The following CTNNA3 variants were observed in gnomAD, a reference collection of about 807,000 sequenced individuals.
The protein encoded by CTNNA3 is catenin alpha-3.
In CTNNA3, 76 loss-of-function variants were observed where a neutral mutation model predicts 95.7. That is an observed-to-expected ratio of 0.79 (90% CI 0.66 to 0.96). The LOEUF (loss-of-function observed/expected upper bound fraction) is 0.96, where lower values mean the gene tolerates loss of function less well. Ranked by LOEUF, CTNNA3 falls within the 40% of genes least tolerant of loss-of-function variation. CTNNA3 has a pLI of 0.00. For missense variants in CTNNA3, 1,191 were observed against 1,089.8 expected (o/e 1.09, Z -1.31); for synonymous variants, 431 against 374.4 (o/e 1.15, Z -1.74).
intron 7 of CTNNA3, among the ~76,000 whole-genome samples, chr10:67,076,080 A>G (rs1239192321): frequency 6.6e-6 from 1 of 152,202 alleles, no homozygotes; most frequent in Non-Finnish European, 1.5e-5. Flanking sequence ...TTTAGCAGCA[A>G]TTTAACTGCC....
At chr10:66,637,467 C>A (rs768272298) in intron 9 of CTNNA3, among the ~76,000 whole-genome samples, 4 of 152,240 alleles carry the variant, frequency 2.6e-5, no homozygotes, top group Admixed American at 6.5e-5. Flanking sequence ...AGTTGGAGGG[C>A]ATTTGCCATC....
chr10:66,477,511 ATATT>A, intron 11 of CTNNA3, among the ~76,000 whole-genome samples: 1 of 152,172 alleles, frequency 6.6e-6, no homozygotes, highest in Middle Eastern at 3.4e-3. Context: ...GCTTCCAGGA[ATATT>A]TCTACGACCC....
chr10:67,524,155 G>A (rs1446383541), intron 4 of CTNNA3, among the ~76,000 whole-genome samples: 1 of 152,112 alleles, frequency 6.6e-6, no homozygotes, highest in Non-Finnish European at 1.5e-5. Flanking sequence ...TGTAATCCCA[G>A]CACTTTGGGA....
intron 9 of CTNNA3, among the ~76,000 whole-genome samples, chr10:66,742,413 G>A (rs1014035283): frequency 7.9e-5 from 12 of 151,928 alleles, no homozygotes; most frequent in South Asian, 6.2e-4. Flanking sequence ...TTTTAATTTC[G>A]CCCAGGTCCT....
At chr10:66,542,796 G>A (rs577753304) in intron 10 of CTNNA3, among the ~76,000 whole-genome samples, 1 of 151,480 alleles carries the variant, frequency 6.6e-6, no homozygotes, top group African/African-American at 2.4e-5. Context: ...TAAATGATGA[G>A]TTAATGGGTG....
At chr10:67,048,313 T>C (rs1040586792) in intron 7 of CTNNA3, among the ~76,000 whole-genome samples, 1 of 152,094 alleles carries the variant, frequency 6.6e-6, no homozygotes, top group African/African-American at 2.4e-5. Flanking sequence ...AAAGCCAGTC[T>C]GTGATTTTGC....
At chr10:67,292,864 T>C (rs553520195) in intron 5 of CTNNA3, among the ~76,000 whole-genome samples, 8 of 152,174 alleles carry the variant, frequency 5.3e-5, no homozygotes, top group Non-Finnish European at 1.0e-4. Flanking sequence ...GTGCTCACCA[T>C]GTATCACAAT....
chr10:66,292,333 C>A (rs2091696925), intron 12 of CTNNA3, among the ~76,000 whole-genome samples: 3 of 152,118 alleles, frequency 2.0e-5, no homozygotes, highest in Admixed American at 2.0e-4. Flanking sequence ...TCTATCAATT[C>A]AATGATCTAA....
chr10:67,512,110 AG>A (rs1839655718), intron 5 of CTNNA3, among the ~76,000 whole-genome samples: 1 of 152,200 alleles, frequency 6.6e-6, no homozygotes, highest in Non-Finnish European at 1.5e-5. Flanking sequence ...AATGGCCAAT[AG>A]ATATATAAAA....
intron 13 of CTNNA3, among the ~76,000 whole-genome samples, chr10:66,278,217 C>A (rs2132151868): frequency 6.7e-6 from 1 of 149,122 alleles, no homozygotes; most frequent in East Asian, 2.0e-4. Context: ...AAGTCAACCT[C>A]TATCCAATAA....
chr10:66,498,509 C>A (rs1840172578), intron 11 of CTNNA3, among the ~76,000 whole-genome samples: 2 of 152,084 alleles, frequency 1.3e-5, no homozygotes, highest in Non-Finnish European at 2.9e-5. Context: ...TTCATGTCAG[C>A]AAATGTTTGA....
rs1433795609 is a variant in CTNNA3 at position 65,913,291 on chromosome 10, T to C, written c.*7039A>G. On this transcript the variant is annotated 3_prime_UTR_variant, in exon 18 of 18. Transcript: ENST00000433211. ...ACAGGGGCATCTGGAAATCTTTCTC[T>C]AGAAGTTTTAATTCATATTTAATCA... is the stretch of plus-strand genomic sequence containing the variant. 5 of 152,198 alleles carry C rather than the reference T, an allele frequency of 3.3e-5. No homozygotes were observed. Among genetic ancestry groups the C allele is most frequent in the African/African-American group, 9.7e-5 (4 of 41,450 alleles). 9.4% of individuals were successfully genotyped at this position (152,198 alleles called of 1,614,324 possible). A position where few individuals can be genotyped will look rare whatever the true frequency, so the allele number is the denominator to read the frequency against.
At chr10:66,051,618 A>T (rs2079961227) in intron 15 of CTNNA3, among the ~76,000 whole-genome samples, 2 of 152,244 alleles carry the variant, frequency 1.3e-5, no homozygotes, top group Non-Finnish European at 2.9e-5. Flanking sequence ...GTTTTGAATG[A>T]ATTCTCTACA....
rs576726532 is a variant in CTNNA3 at position 67,672,391 on chromosome 10, T to G, written c.-6+23609A>C. ...AGATCCCATTTGTCAATTTTGGCTTTTGTTGCCATTGCTTTTGGTGTTTTA... is the reference window on the plus strand; with the variant it reads ...AGATCCCATTTGTCAATTTTGGCTTGTGTTGCCATTGCTTTTGGTGTTTTA... On this transcript the variant is annotated intron_variant, in intron 1 of 17. Coordinates refer to ENST00000433211, the MANE Select transcript of CTNNA3 (RefSeq NM_013266.4). Among the ~76,000 whole-genome samples, 11 of 152,324 alleles carry G rather than the reference T, an allele frequency of 7.2e-5. No homozygotes were observed. In the South Asian group the frequency reaches 2.3e-3, roughly 32 times the overall value.
intron 10 of CTNNA3, among the ~76,000 whole-genome samples, chr10:66,527,759 GAC>G (rs1841320124): frequency 6.6e-6 from 1 of 151,964 alleles, no homozygotes; most frequent in Admixed American, 6.6e-5. Context: ...CGTATACAAA[GAC>G]ACACTGATTT....
chr10:66,095,482 T>C (rs1308735331), intron 14 of CTNNA3, among the ~76,000 whole-genome samples: 2 of 152,160 alleles, frequency 1.3e-5, no homozygotes, highest in African/African-American at 4.8e-5. Context: ...TGAGGTCATG[T>C]GTCCCAATAT....
chr10:67,669,276 C>A (rs1406644266), intron 1 of CTNNA3, among the ~76,000 whole-genome samples: 2 of 151,984 alleles, frequency 1.3e-5, no homozygotes, highest in African/African-American at 4.8e-5. Flanking sequence ...TAGTTATGTC[C>A]CATGAGCAAC....
chr10:67,569,919 AC>A (rs1372431745), intron 3 of CTNNA3, among the ~76,000 whole-genome samples: 1 of 151,858 alleles, frequency 6.6e-6, no homozygotes, highest in Non-Finnish European at 1.5e-5. Flanking sequence ...TTCTACAATT[AC>A]CTTTTTTTCT....
At chr10:66,872,899 A>G (rs1844471219) in intron 7 of CTNNA3, among the ~76,000 whole-genome samples, 1 of 151,896 alleles carries the variant, frequency 6.6e-6, no homozygotes, top group Non-Finnish European at 1.5e-5. Context: ...CTTTATGTCC[A>G]TGTACACTCA....
Sources: gnomAD v4.1 joint callset for allele counts (sites outside exome capture counted in the v4.1 genomes callset) on GRCh38, gnomAD v4.1.1 for gene constraint, MANE v1.5 for transcripts, NCBI Gene and HGNC (gene_info 2026-07-23, HGNC 2026-07-21) for gene names.